Variants in PGAP6 observed in about 807,000 individuals in gnomAD.
The protein encoded by PGAP6 is post-GPI attachment to proteins factor 6.
In PGAP6, 62 loss-of-function variants were observed where a neutral mutation model predicts 68.4. That is an observed-to-expected ratio of 0.91 (90% CI 0.74 to 1.12). The LOEUF (loss-of-function observed/expected upper bound fraction) is 1.12, where lower values mean the gene tolerates loss of function less well. Ranked by LOEUF, PGAP6 falls within the 50% of genes most tolerant of loss-of-function variation. PGAP6 has a pLI of 0.00. For missense variants in PGAP6, 1,188 were observed against 1,068.5 expected, an observed-to-expected ratio of 1.11 and a Z score of -1.56; for synonymous variants, 575 against 474.0, an observed-to-expected ratio of 1.21 and a Z score of -2.77.
chr16:374,607 G>T (rs558601747), intron 9 of PGAP6, 149 bp downstream of exon 9: 3 of 1,191,494 alleles, frequency 2.5e-6, no homozygotes, highest in Admixed American at 2.7e-5. Flanking sequence ...GGTGGGGAAT[G>T]GGGGAGTGGG....
intron 1 of PGAP6, among the ~76,000 whole-genome samples, chr16:380,865 A>G (rs1437235181): frequency 1.3e-5 from 2 of 151,890 alleles, no homozygotes; most frequent in Non-Finnish European, 2.9e-5. Context: ...GCACCTGGGC[A>G]CCCGCGTGGC....
At chr16:378,821 C>G (rs2054415079) in intron 1 of PGAP6, among the ~76,000 whole-genome samples, 1 of 152,218 alleles carries the variant, frequency 6.6e-6, no homozygotes, top group South Asian at 2.1e-4. Flanking sequence ...GTCATGAGAA[C>G]AAGGGGACAG....
chr16:381,805 G>A lies in PGAP6; in HGVS notation c.17C>T (p.Thr6Ile), dbSNP rs931858456. 5.3e-6 allele frequency: 6 copies of A among 1,131,610 alleles called. No individual in the cohort carries two copies. The highest frequency in any genetic ancestry group is 3.3e-5 in the African/African-American group (2 of 60,676). The allele number at this position is 1,131,610 out of a possible 1,614,324, so 70.1% of individuals were successfully genotyped here. Reference protein sequence around the residue: MGRAGTGTGGEAVAAV... With the variant: MGRAGIGTGGEAVAAV... ...GGCCACCGCCTCGCCCCCGGTCCCG[G>A]TGCCAGCCCGGCCCATGGCTCCGCG... The change falls in exon 1 of 13, where the codon ACC (threonine) becomes ATC (isoleucine). Residue 6 changes from threonine to isoleucine, a missense_variant. Transcript: ENST00000431232.
upstream of PGAP6, chr16:382,496 C>A: frequency 8.2e-6 from 3 of 366,416 alleles, no homozygotes; most frequent in Non-Finnish European, 1.5e-5. Context: ...CAGATCCACG[C>A]TTTTATGCAC....
chr16:379,217 G>A (rs2054418244), intron 1 of PGAP6, among the ~76,000 whole-genome samples: 1 of 152,180 alleles, frequency 6.6e-6, no homozygotes, highest in South Asian at 2.1e-4. Flanking sequence ...GGTCTCACTG[G>A]AGAGTGGCTG....
At position 374,366 on chromosome 16, in the gene PGAP6, G is replaced by T. The variant is rs2054362023; in HGVS notation, c.1610C>A (p.Thr537Lys). ...CCTCTGCTGGGCCACCGTCTGGGCT[G>T]TGCTGTTGTCCGTGCAGCTCCACCC... Reference protein sequence around the residue: ...WRGWSCTDNSTAQTVAQQRAA... With the variant: ...WRGWSCTDNSKAQTVAQQRAA... Residue 537 changes from threonine (T) to lysine (K), a missense_variant, in exon 10 of 13, where the codon ACA (threonine) becomes AAA (lysine). By Grantham distance (78) the Thr-to-Lys change is moderately conservative (BLOSUM62 -1). Coordinates refer to ENST00000431232, the MANE Select transcript of PGAP6 (RefSeq NM_021259.3). The T allele has an allele frequency of 6.3e-7, 1 of 1,595,186 alleles. No individual in the cohort carries two copies.
chr16:372,971 T>C (rs1194500481), intron 11 of PGAP6, among the ~76,000 whole-genome samples: 4 of 152,170 alleles, frequency 2.6e-5, no homozygotes, highest in Admixed American at 2.0e-4. Flanking sequence ...GATTAGACGA[T>C]GCTCACACAA....
intron 6 of PGAP6, 65 bp from the exon 7 acceptor site, chr16:375,500 C>G (rs1311651344): frequency 1.4e-6 from 2 of 1,384,082 alleles, no homozygotes; most frequent in African/African-American, 2.8e-5. Flanking sequence ...TCATCTGCCC[C>G]ACGTGCCAGC....
In PGAP6 at chr16:371,866, G is replaced by T. The variant is rs1233842216; in HGVS notation, c.*121C>A. The T allele has an allele frequency of 2.7e-6, 3 of 1,122,716 alleles. No individual in the cohort carries two copies. The highest frequency in any genetic ancestry group is 3.8e-6 in the Non-Finnish European group (3 of 793,484). 69.5% of individuals were successfully genotyped at this position (1,122,716 alleles called of 1,614,324 possible). A position where few individuals can be genotyped will look rare whatever the true frequency, so the allele number is the denominator to read the frequency against. On this transcript the variant is annotated 3_prime_UTR_variant, in exon 13 of 13. Coordinates refer to ENST00000431232, the MANE Select transcript of PGAP6 (RefSeq NM_021259.3). ...CTCCTCAGTAGGAGGAAGTAAGAGG[G>T]TATCTAGGCCAATTTATTCAGCTGG... is the stretch of plus-strand genomic sequence containing the variant.
At chr16:373,840 G>C (rs2054355046) in intron 11 of PGAP6, among the ~76,000 whole-genome samples, 165 bp downstream of exon 11, 1 of 148,806 alleles carries the variant, frequency 6.7e-6, no homozygotes, top group African/African-American at 2.6e-5. Context: ...ACCATGCTCG[G>C]CCTAGGGATT....
rs2054331915 is a variant in PGAP6 at position 371,502 on chromosome 16, C to T, written c.*485G>A. The T allele has an allele frequency of 6.0e-6, 1 of 166,388 alleles. No individual in the cohort carries two copies. The highest frequency in any genetic ancestry group is 2.4e-5 in the African/African-American group (1 of 41,536). The allele number at this position is 166,388 out of a possible 1,614,324, so 10.3% of individuals were successfully genotyped here. On this transcript the variant is annotated 3_prime_UTR_variant, in exon 13 of 13. Transcript: ENST00000431232. ...AGCAGCAGAGGGGGATCCTCCATGCCCCAGGCAGGCTGGCATCAGGGCCAC... is the reference window on the plus strand; with the variant it reads ...AGCAGCAGAGGGGGATCCTCCATGCTCCAGGCAGGCTGGCATCAGGGCCAC...
chr16:385,695 G>T (rs2054479728), upstream of PGAP6, among the ~76,000 whole-genome samples: 1 of 138,136 alleles, frequency 7.2e-6, no homozygotes, highest in Non-Finnish European at 1.5e-5. Context: ...CGCGATCCTG[G>T]CTCACTGCAA....
upstream of PGAP6, among the ~76,000 whole-genome samples, chr16:386,504 A>G (rs2054485637): frequency 6.6e-6 from 1 of 152,274 alleles, no homozygotes; most frequent in South Asian, 2.1e-4. Flanking sequence ...GGAGGAGTGC[A>G]GACCGTAACC....
At chr16:373,857 G>A (rs918308275) in intron 11 of PGAP6, 148 bp downstream of exon 11, 2 of 1,026,914 alleles carry the variant, frequency 1.9e-6, no homozygotes, top group Admixed American at 2.9e-5. Context: ...GATTACAGGT[G>A]TGAGCCACCA....
intron 6 of PGAP6, among the ~76,000 whole-genome samples, chr16:375,929 C>T (rs927921607): frequency 1.3e-5 from 2 of 152,204 alleles, no homozygotes; most frequent in African/African-American, 4.8e-5. Flanking sequence ...ACCTCTGACC[C>T]GAGCTACCCC....
intron 12 of PGAP6, 124 bp from the exon 13 acceptor site, chr16:372,407 G>A (rs2054343125): frequency 3.5e-6 from 4 of 1,146,684 alleles, no homozygotes; most frequent in Non-Finnish European, 5.0e-6. Flanking sequence ...AGGGTGGGCT[G>A]CTTCGAGGGG....
chr16:386,444 C>T (rs1005941522), upstream of PGAP6, among the ~76,000 whole-genome samples: 2 of 151,978 alleles, frequency 1.3e-5, no homozygotes, highest in African/African-American at 4.8e-5. Flanking sequence ...CACTCCGCCC[C>T]GAGTTTCCTG....
intron 1 of PGAP6, 64 bp from the exon 2 acceptor site, chr16:377,912 C>T: frequency 2.4e-5 from 34 of 1,425,414 alleles, no homozygotes; most frequent in Non-Finnish European, 2.9e-5. Context: ...ATGGGGAGGA[C>T]GAGTCCCCCA....
rs201830938 is a variant in PGAP6 at position 372,212 on chromosome 16, G to A, written c.2091C>T (p.Pro697=). The A allele has an allele frequency of 4.5e-5, 73 of 1,612,578 alleles. No homozygotes were observed. The East Asian group carries it at 1.2e-3, about 26-fold the overall frequency. ...SWQRWAFYLL[P]GVSMASVGIA... ...TGCCCACAGAGGCCATAGAGACGCC[G>A]GGCAGGAGGTAGAAGGCCCAGCGCT... The change falls in exon 13 of 13, where the codon CCC becomes CCT. Residue 697 remains proline, a synonymous_variant. Coordinates refer to ENST00000431232, the MANE Select transcript of PGAP6 (RefSeq NM_021259.3).
Sources: gnomAD v4.1 joint callset for allele counts (sites outside exome capture counted in the v4.1 genomes callset) on GRCh38, gnomAD v4.1.1 for gene constraint, MANE v1.5 for transcripts, NCBI Gene and HGNC (gene_info 2026-07-23, HGNC 2026-07-21) for gene names.